The following PHF20L1 variants were observed in gnomAD, a reference collection of about 807,000 sequenced individuals.
PHF20L1 encodes PHD finger protein 20-like protein 1.
In PHF20L1, 44 loss-of-function variants were observed where a neutral mutation model predicts 125.5. The ratio of observed to expected loss-of-function variants is 0.35; its 90% CI spans 0.28 to 0.45. PHF20L1 has a LOEUF of 0.45. Ranked by LOEUF, PHF20L1 falls within the 20% of genes least tolerant of loss-of-function variation. The pLI, the probability that PHF20L1 is intolerant of heterozygous loss-of-function variation, is 1.00. For missense variants in PHF20L1, 1,012 were observed against 1,217.2 expected (o/e 0.83, Z 2.51); for synonymous variants, 380 against 403.1 (o/e 0.94, Z 0.69).
intron 2 of PHF20L1, among the ~76,000 whole-genome samples, chr8:132,790,757 A>G (rs7813270): frequency 0.14 from 21,955 of 152,196 alleles, 2,246 homozygotes; most frequent in African/African-American, 0.29. Context: ...TGAGTAAATG[A>G]GTTATGCTCT....
intron 14 of PHF20L1, among the ~76,000 whole-genome samples, chr8:132,830,625 ACAT>A (rs1176187613): frequency 6.6e-6 from 1 of 152,084 alleles, no homozygotes; most frequent in African/African-American, 2.4e-5. Context: ...GAGAAGACAG[ACAT>A]CATCAGGTGG....
intron 14 of PHF20L1, among the ~76,000 whole-genome samples, chr8:132,829,522 C>A (rs80255472): frequency 0.018 from 2,721 of 152,106 alleles, 80 homozygotes; most frequent in African/African-American, 0.061. Flanking sequence ...GTTGGGCAAA[C>A]TGTGGTTATG....
chr8:132,833,582 A>G (rs10092556), intron 15 of PHF20L1, among the ~76,000 whole-genome samples: 64,525 of 151,820 alleles, frequency 0.43, 13,750 homozygotes, highest in South Asian at 0.51. Flanking sequence ...GCAAGATACA[A>G]CTTCTAGGTG....
chr8:132,817,434 G>C lies in PHF20L1; in HGVS notation c.1468G>C (p.Asp490His). 6.2e-7 allele frequency: 1 copy of C among 1,612,730 alleles called. No homozygotes were observed. Among genetic ancestry groups the C allele is most frequent in the Non-Finnish European group, 8.5e-7 (1 of 1,179,204 alleles). The change falls in exon 12 of 21, where the codon GAT becomes CAT. Residue 490 changes from aspartate (D) to histidine (H), a missense_variant. Physicochemically the swap from Asp to His is moderately conservative, Grantham distance 81. This residue lies in a region of PHF20L1 where 320 missense variants were observed against 293.8 expected (regional missense o/e 1.09). Transcript: ENST00000395386. ...AGAAGTTACAGCACCGGTAGCCTCA[G>C]ATTCCTCTTACCGTAATGAATGTCC... The part of the protein sequence containing the change: ...GSEVTAPVAS[D>H]SSYRNECPRA...
At chr8:132,828,564 T>G (rs1836444717) in intron 14 of PHF20L1, among the ~76,000 whole-genome samples, 1 of 152,130 alleles carries the variant, frequency 6.6e-6, no homozygotes. Flanking sequence ...TTTAATGCAG[T>G]TATGCAAAGT....
chr8:132,841,575 G>T (rs964105531), intron 18 of PHF20L1: 4 of 151,948 alleles, frequency 2.6e-5, no homozygotes, highest in African/African-American at 9.7e-5. Flanking sequence ...TATATCTCCC[G>T]AATGCCCTTT....
chr8:132,839,561 A>G lies in PHF20L1; in HGVS notation c.2366A>G (p.Gln789Arg), dbSNP rs779612953. 1.2e-6 allele frequency: 2 copies of G among 1,613,046 alleles called. No individual in the cohort carries two copies. The highest frequency in any genetic ancestry group is 1.7e-5 in the Admixed American group (1 of 59,918). Reference sequence around the variant, plus strand: ...GTTACAGAAGTGCTACACGGGCTACAGCTGAAGATTGGAATACTAAAGTAA... The same window carrying G: ...GTTACAGAAGTGCTACACGGGCTACGGCTGAAGATTGGAATACTAAAGTAA... ...YGVTEVLHGL[Q>R]LKIGILKNKH... Residue 789 changes from glutamine (Q) to arginine (R), a missense_variant, in exon 18 of 21, where the codon CAG becomes CGG. Physicochemically the swap from Gln to Arg is conservative, Grantham distance 43 (BLOSUM62 1). Coordinates refer to ENST00000395386, the MANE Select transcript of PHF20L1 (RefSeq NM_016018.5).
intron 2 of PHF20L1, among the ~76,000 whole-genome samples, chr8:132,779,244 G>A (rs1428164765): frequency 6.6e-6 from 1 of 152,182 alleles, no homozygotes; most frequent in Non-Finnish European, 1.5e-5. Flanking sequence ...TGGGAACTAG[G>A]CAGTAGCATC....
In PHF20L1 at chr8:132,814,745, G is replaced by T. The variant is rs759521785; in HGVS notation, c.1039G>T (p.Ala347Ser). ...ATCCTCAACTTTGTCTTCAGGGAAG[G>T]CTCGCAGCAAGAAATGCAAACATGA... is the stretch of plus-strand genomic sequence containing the variant. ...LLSSTLSSGK[A>S]RSKKCKHESG... Residue 347 changes from alanine (A) to serine (S), a missense_variant, in exon 10 of 21, where the codon GCT becomes TCT. Ala to Ser is a moderately conservative substitution (Grantham distance 99). This residue lies in a region of PHF20L1 where 119 missense variants were observed against 160.2 expected (regional missense o/e 0.74). Transcript: ENST00000395386. 1.2e-6 allele frequency: 2 copies of T among 1,612,992 alleles called. No homozygotes were observed.
At chr8:132,830,089 A>T (rs553050287) in intron 14 of PHF20L1, among the ~76,000 whole-genome samples, 3 of 152,078 alleles carry the variant, frequency 2.0e-5, no homozygotes, top group Admixed American at 1.3e-4. Context: ...GTTAAAACCA[A>T]GGTATCAACA....
At chr8:132,835,588 T>A (rs927003530) in intron 15 of PHF20L1, among the ~76,000 whole-genome samples, 1 of 152,154 alleles carries the variant, frequency 6.6e-6, no homozygotes, top group African/African-American at 2.4e-5. Context: ...ACATGTAAAT[T>A]GAGTTGTATG....
intron 14 of PHF20L1, among the ~76,000 whole-genome samples, chr8:132,831,916 T>C (rs1026723793): frequency 6.6e-6 from 1 of 152,118 alleles, no homozygotes; most frequent in African/African-American, 2.4e-5. Flanking sequence ...CATATTTTAC[T>C]GCAGACATAG....
At position 132,795,284 on chromosome 8, in the gene PHF20L1, G is replaced by A. The variant is rs926802395; in HGVS notation, c.340+467G>A. Among the ~76,000 whole-genome samples, 6 of 152,170 alleles carry A rather than the reference G, an allele frequency of 3.9e-5. No homozygotes were observed. The South Asian group carries it at 1.2e-3, about 32-fold the overall frequency. ...GATTTCCCTTATTGTGTCTCTCCCTGCTGTCCTGTCATTAATTTCTACAGA... is the reference window on the plus strand; with the variant it reads ...GATTTCCCTTATTGTGTCTCTCCCTACTGTCCTGTCATTAATTTCTACAGA... On this transcript the variant is annotated intron_variant, in intron 4 of 20. Transcript: ENST00000395386.
At chr8:132,780,003 T>C (rs573138619) in intron 2 of PHF20L1, among the ~76,000 whole-genome samples, 1 of 152,348 alleles carries the variant, frequency 6.6e-6, no homozygotes, top group Admixed American at 6.5e-5. Context: ...TCACATATTA[T>C]CACTGAAACT....
intron 6 of PHF20L1, 83 bp downstream of exon 6, chr8:132,799,255 A>C: frequency 1.4e-6 from 1 of 729,908 alleles, no homozygotes; most frequent in Non-Finnish European, 2.3e-6. Context: ...TTTAATATAA[A>C]AATTTACATT....
chr8:132,786,622 A>G (rs1831063795), intron 2 of PHF20L1, among the ~76,000 whole-genome samples: 1 of 152,130 alleles, frequency 6.6e-6, no homozygotes, highest in African/African-American at 2.4e-5. Context: ...GATTGAATGC[A>G]TGGTCTTTAT....
chr8:132,777,876 T>G lies in PHF20L1; in HGVS notation c.48T>G (p.Gly16=). The stretch of plus-strand genomic sequence containing the variant: ...GCCCTGGAATCACTTTTGAGATTGG[T>G]GCTCGTTTGGAGGCACTGGACTACT... ...PNRPGITFEI[G]ARLEALDYLQ... Residue 16 remains glycine, a synonymous_variant, in exon 2 of 21, where the codon GGT becomes GGG. Coordinates refer to ENST00000395386, the MANE Select transcript of PHF20L1 (RefSeq NM_016018.5). 6.2e-7 allele frequency: 1 copy of G among 1,613,246 alleles called. No individual in the cohort carries two copies. Among genetic ancestry groups the G allele is most frequent in the Non-Finnish European group, 8.5e-7 (1 of 1,179,252 alleles).
intron 12 of PHF20L1, among the ~76,000 whole-genome samples, chr8:132,822,477 A>G (rs1034389260): frequency 1.3e-5 from 2 of 151,960 alleles, no homozygotes; most frequent in Non-Finnish European, 2.9e-5. Flanking sequence ...ACTGTTAGCA[A>G]TATATCTGAA....
In PHF20L1 at chr8:132,803,973, G is replaced by T; in HGVS notation, c.662G>T (p.Cys221Phe). 1 of 1,612,346 alleles carries T rather than the reference G, an allele frequency of 6.2e-7. No homozygotes were observed. The highest frequency in any genetic ancestry group is 1.1e-5 in the South Asian group (1 of 91,030). Residue 221 changes from cysteine to phenylalanine, a missense_variant, in exon 7 of 21, where the codon TGT (cysteine) becomes TTT (phenylalanine). This residue lies in a region of PHF20L1 where 134 missense variants were observed against 145.9 expected (regional missense o/e 0.92). Coordinates refer to ENST00000395386, the MANE Select transcript of PHF20L1 (RefSeq NM_016018.5). ...TCAAAGAAGGAGGAAACTTCAACTT[G>T]TATAGCCACACCAGACGTAGAGAAG... ...VPSKKEETST[C>F]IATPDVEKKE...
Sources: gnomAD v4.1 joint callset for allele counts (sites outside exome capture counted in the v4.1 genomes callset) on GRCh38, gnomAD v4.1.1 for gene constraint, gnomAD v4.1.1 regional missense constraint, MANE v1.5 for transcripts, NCBI Gene and HGNC (gene_info 2026-07-23, HGNC 2026-07-21) for gene names.